CLVS1: variants seen among roughly 807,000 people sequenced by gnomAD.
CLVS1 encodes clavesin 1, also known as clavesin-1.
A neutral mutation model predicts 33.1 loss-of-function variants in CLVS1; 10 were observed. The ratio of observed to expected loss-of-function variants is 0.30; its 90% CI spans 0.19 to 0.51. The LOEUF is 0.51. CLVS1 is among the 20% of genes least tolerant of loss of function. CLVS1 has a pLI of 0.97. For synonymous variants in CLVS1, 163 were observed against 166.1 expected, an observed-to-expected ratio of 0.98 and a Z score of 0.14; for missense variants, 343 against 433.4, an observed-to-expected ratio of 0.79 and a Z score of 1.85.
chr8:61,066,171 G>T (rs147351284), intron 1 of CLVS1, among the ~76,000 whole-genome samples: 1 of 152,234 alleles, frequency 6.6e-6, no homozygotes, highest in African/African-American at 2.4e-5. Flanking sequence ...TTTACCAAGA[G>T]AATATGTTCA....
intron 1 of CLVS1, among the ~76,000 whole-genome samples, chr8:61,099,509 G>A (rs767047822): frequency 2.6e-5 from 4 of 152,144 alleles, no homozygotes; most frequent in African/African-American, 4.8e-5. Flanking sequence ...TCTTGCAGGA[G>A]TATAAACAAG....
At chr8:61,300,478 A>G (rs1810386725) in intron 2 of CLVS1, 196 bp downstream of exon 2, 2 of 550,956 alleles carry the variant, frequency 3.6e-6, no homozygotes, top group East Asian at 5.9e-5. Flanking sequence ...GTAACATTAG[A>G]GTTGTAAGAG....
chr8:60,978,922 C>G, the CLVS1 span, among the ~76,000 whole-genome samples: 1 of 150,916 alleles, frequency 6.6e-6, no homozygotes, highest in African/African-American at 2.4e-5. Context: ...CCATTCCAAA[C>G]TGTTTCAGAA....
In CLVS1 at chr8:61,468,735, A is replaced by G. The variant is rs78081641; in HGVS notation, c.977+10193A>G. On this transcript the variant is annotated intron_variant, in intron 5 of 5. Coordinates refer to ENST00000325897, the MANE Select transcript of CLVS1 (RefSeq NM_173519.3). Reference sequence around the variant, plus strand: ...AAGTACTAAAAAAAAAAAAAAAAAAAAAAAGGTAGTTACTATGTGCTATTT... The same window carrying G: ...AAGTACTAAAAAAAAAAAAAAAAAAGAAAAGGTAGTTACTATGTGCTATTT... 7.6e-4 allele frequency among the ~76,000 whole-genome samples: 106 copies of G among 138,738 alleles called. 1 individual carries two copies. The highest frequency in any genetic ancestry group is 2.2e-3 in the African/African-American group (72 of 32,672). 91.0% of individuals were successfully genotyped at this position (138,738 alleles called of 152,430 possible). A position where few individuals can be genotyped will look rare whatever the true frequency, so the allele number is the denominator to read the frequency against.
At chr8:61,222,436 C>G (rs1808236558) in intron 2 of CLVS1, among the ~76,000 whole-genome samples, 1 of 151,886 alleles carries the variant, frequency 6.6e-6, no homozygotes, top group Non-Finnish European at 1.5e-5. Context: ...AATTATTTAC[C>G]CAGGAATCAT....
At chr8:61,311,406 A>G (rs1810828314) in intron 2 of CLVS1, among the ~76,000 whole-genome samples, 1 of 152,194 alleles carries the variant, frequency 6.6e-6, no homozygotes, top group South Asian at 2.1e-4. Context: ...CTTTCTGCCC[A>G]CCATCAACGT....
intron 2 of CLVS1, among the ~76,000 whole-genome samples, chr8:61,219,172 C>A (rs535252813): frequency 1.3e-5 from 2 of 148,844 alleles, no homozygotes; most frequent in South Asian, 2.1e-4. Flanking sequence ...TTTCTTTTTT[C>A]TTTCTTTATT....
At chr8:61,166,461 T>C (rs1214573107) in intron 2 of CLVS1, among the ~76,000 whole-genome samples, 1 of 152,186 alleles carries the variant, frequency 6.6e-6, no homozygotes, top group Non-Finnish European at 1.5e-5. Context: ...TTTGGTCTCA[T>C]GTGCTTATTT....
At chr8:61,071,119 T>C (rs1804789476) in intron 1 of CLVS1, among the ~76,000 whole-genome samples, 1 of 152,226 alleles carries the variant, frequency 6.6e-6, no homozygotes, top group Non-Finnish European at 1.5e-5. Context: ...AGGCCTACCC[T>C]GGAGGAAAGT....
intron 5 of CLVS1, among the ~76,000 whole-genome samples, chr8:61,468,401 G>C (rs1337289164): frequency 6.6e-6 from 1 of 152,182 alleles, no homozygotes; most frequent in Non-Finnish European, 1.5e-5. Context: ...CATTATCATA[G>C]CTAAGGTACT....
chr8:61,127,582 T>G (rs983870074), intron 1 of CLVS1, among the ~76,000 whole-genome samples: 1 of 152,130 alleles, frequency 6.6e-6, no homozygotes, highest in Non-Finnish European at 1.5e-5. Context: ...ACAACATAAT[T>G]TTATATGTAC....
chr8:61,027,007 G>T, the CLVS1 span, among the ~76,000 whole-genome samples: 1 of 152,138 alleles, frequency 6.6e-6, no homozygotes, highest in South Asian at 2.1e-4. Flanking sequence ...TCAATGCAGT[G>T]TCCCTTTAAG....
At chr8:61,324,047 T>C (rs1010434817) in intron 2 of CLVS1, among the ~76,000 whole-genome samples, 3 of 152,196 alleles carry the variant, frequency 2.0e-5, no homozygotes, top group Non-Finnish European at 4.4e-5. Context: ...CTATCATTGA[T>C]TGGCATTTAG....
At chr8:61,231,880 A>G (rs1223000934) in intron 2 of CLVS1, among the ~76,000 whole-genome samples, 2 of 152,052 alleles carry the variant, frequency 1.3e-5, no homozygotes, top group Admixed American at 6.5e-5. Context: ...CATGCTACAC[A>G]ATGCAGGAGT....
chr8:60,968,238 A>G, the CLVS1 span, among the ~76,000 whole-genome samples: 1 of 150,040 alleles, frequency 6.7e-6, no homozygotes, highest in East Asian at 2.1e-4. Context: ...GGCCGGGCGC[A>G]GTGGCTCACG....
intron 1 of CLVS1, among the ~76,000 whole-genome samples, chr8:61,118,782 T>C (rs1306572849): frequency 6.6e-6 from 1 of 152,212 alleles, no homozygotes; most frequent in Non-Finnish European, 1.5e-5. Context: ...GAGGAGAGCT[T>C]TACTTCCAAC....
rs188793196 is a variant in CLVS1, at chr8:61,304,340, G to C, written c.455+4058G>C. Among the ~76,000 whole-genome samples the C allele has an allele frequency of 1.7e-3, 254 of 152,362 alleles. 5 individuals are homozygous for C. Among genetic ancestry groups the C allele is most frequent in the Non-Finnish European group, 3.8e-4 (26 of 68,030 alleles). ...CCTGCTTGGGTTCAACATGGCAACC[G>C]AGGCATAGGCAGTGCCTGGGCTACC... On this transcript the variant is annotated intron_variant, in intron 2 of 5. Transcript: ENST00000325897.
At chr8:61,449,102 G>A (rs1816862578) in intron 3 of CLVS1, among the ~76,000 whole-genome samples, 1 of 152,066 alleles carries the variant, frequency 6.6e-6, no homozygotes, top group African/African-American at 2.4e-5. Flanking sequence ...TTACCAAGTA[G>A]AGGTAGAAGT....
chr8:61,044,731 C>T, the CLVS1 span, among the ~76,000 whole-genome samples: 4 of 152,266 alleles, frequency 2.6e-5, no homozygotes, highest in South Asian at 6.2e-4. Flanking sequence ...ATCCTTCAAT[C>T]GGTAGAGTCT....
Sources: allele counts gnomAD v4.1 joint callset (sites outside exome capture counted in the v4.1 genomes callset), GRCh38; gene constraint gnomAD v4.1.1; transcripts MANE v1.5; gene names NCBI Gene and HGNC (gene_info 2026-07-23, HGNC 2026-07-21).